Variants in PPARGC1A observed in about 807,000 individuals in gnomAD.
The protein encoded by PPARGC1A is PPARG coactivator 1 alpha, also known as peroxisome proliferator-activated receptor gamma coactivator 1-alpha.
A neutral mutation model predicts 88.7 loss-of-function variants in PPARGC1A; 25 were observed. The ratio of observed to expected loss-of-function variants is 0.28; its 90% CI spans 0.21 to 0.39. The LOEUF is 0.39. Among genes scored for constraint, PPARGC1A ranks in the 10% least tolerant of loss-of-function variants. The probability of loss-of-function intolerance (pLI) is 1.00; values close to 1 mark genes in which losing one functional copy is unlikely to be tolerated. For missense variants in PPARGC1A, 880 were observed against 968.7 expected, an observed-to-expected ratio of 0.91 and a Z score of 1.22; for synonymous variants, 363 against 355.6, an observed-to-expected ratio of 1.02 and a Z score of -0.24.
chr4:24,051,601 G>A, the PPARGC1A span, among the ~76,000 whole-genome samples: 4 of 152,142 alleles, frequency 2.6e-5, no homozygotes, highest in East Asian at 3.8e-4. Context: ...GCTGGGATTC[G>A]CATCCACATT....
the PPARGC1A span, among the ~76,000 whole-genome samples, chr4:24,276,354 T>C: frequency 6.6e-6 from 1 of 152,166 alleles, no homozygotes; most frequent in Non-Finnish European, 1.5e-5. Flanking sequence ...ACCACGCAAA[T>C]GCATGTGTGC....
the PPARGC1A span, among the ~76,000 whole-genome samples, chr4:24,241,519 A>C: frequency 2.6e-5 from 4 of 152,226 alleles, no homozygotes; most frequent in Non-Finnish European, 5.9e-5. Context: ...AAAATGTTTC[A>C]ATCCCTTTGG....
chr4:23,824,601 A>C, intron 5 of PPARGC1A, 93 bp from the exon 6 acceptor site: 1 of 1,116,376 alleles, frequency 9.0e-7, no homozygotes. Flanking sequence ...AAACAACCAG[A>C]AAACTCAAAG....
the PPARGC1A span, among the ~76,000 whole-genome samples, chr4:24,398,791 C>T: frequency 6.6e-6 from 1 of 152,190 alleles, no homozygotes; most frequent in African/African-American, 2.4e-5. Flanking sequence ...CATTTCTCCA[C>T]ATCTTCTAGG....
the PPARGC1A span, among the ~76,000 whole-genome samples, chr4:24,175,538 C>CTTTTTTTTTTTTT: frequency 6.6e-4 from 56 of 84,864 alleles, no homozygotes; most frequent in Middle Eastern, 9.1e-3. Flanking sequence ...CCACACCAAG[C>CTTTTTTTTTTTTT]TTTTTTTTTT....
chr4:24,388,659 G>T, the PPARGC1A span, among the ~76,000 whole-genome samples: 1 of 152,174 alleles, frequency 6.6e-6, no homozygotes, highest in South Asian at 2.1e-4. Context: ...ATGAGTTCAT[G>T]TCCTTTGCAA....
chr4:24,402,423 G>C, the PPARGC1A span, among the ~76,000 whole-genome samples: 166 of 152,320 alleles, frequency 1.1e-3, 4 homozygotes, highest in African/African-American at 3.9e-3. Context: ...CCATTGGCCA[G>C]GTGGTGCTAG....
At chr4:24,211,391 G>A in the PPARGC1A span, among the ~76,000 whole-genome samples, 1 of 152,182 alleles carries the variant, frequency 6.6e-6, no homozygotes, top group African/African-American at 2.4e-5. Context: ...GAAGCTGAAT[G>A]TCACTCCCCT....
chr4:23,921,170 A>T, the PPARGC1A span, among the ~76,000 whole-genome samples: 4 of 152,110 alleles, frequency 2.6e-5, no homozygotes, highest in Non-Finnish European at 4.4e-5. Context: ...AATGGGGCTG[A>T]CTTTGATTCT....
chr4:23,908,706 A>C (rs1720367690), upstream of PPARGC1A, among the ~76,000 whole-genome samples: 3 of 152,194 alleles, frequency 2.0e-5, no homozygotes, highest in Admixed American at 6.5e-5. Context: ...CTACCTTATA[A>C]AGTTGATCCT....
the PPARGC1A span, among the ~76,000 whole-genome samples, chr4:24,001,518 C>G: frequency 1.3e-5 from 2 of 152,116 alleles, no homozygotes; most frequent in Non-Finnish European, 2.9e-5. Context: ...AACAATTTAG[C>G]AACTGACATC....
chr4:23,941,205 C>T, the PPARGC1A span, among the ~76,000 whole-genome samples: 1 of 152,094 alleles, frequency 6.6e-6, no homozygotes, highest in African/African-American at 2.4e-5. Flanking sequence ...GCGTGCAGCA[C>T]AACACCCAAC....
chr4:24,227,325 A>G, the PPARGC1A span, among the ~76,000 whole-genome samples: 2 of 152,102 alleles, frequency 1.3e-5, no homozygotes, highest in Non-Finnish European at 2.9e-5. Context: ...GAGCTCAGGC[A>G]ATTTGCCTGC....
the PPARGC1A span, among the ~76,000 whole-genome samples, chr4:24,073,966 C>T: frequency 1.3e-5 from 2 of 152,104 alleles, no homozygotes; most frequent in East Asian, 3.9e-4. Flanking sequence ...GGTACCACTC[C>T]CAATGCAGGA....
At chr4:24,183,807 G>A in the PPARGC1A span, among the ~76,000 whole-genome samples, 7 of 152,116 alleles carry the variant, frequency 4.6e-5, no homozygotes, top group African/African-American at 7.2e-5. Context: ...CTTTCCTCAC[G>A]GAAATTTTTT....
At chr4:24,463,564 CAT>C in the PPARGC1A span, among the ~76,000 whole-genome samples, 4 of 152,188 alleles carry the variant, frequency 2.6e-5, no homozygotes, top group African/African-American at 9.6e-5. Context: ...TAAAGTGACA[CAT>C]GTGTTGGTAT....
chr4:23,962,043 TA>T, the PPARGC1A span, among the ~76,000 whole-genome samples: 1 of 152,080 alleles, frequency 6.6e-6, no homozygotes, highest in Admixed American at 6.6e-5. Flanking sequence ...CGAAAAGGGT[TA>T]GGGGGAAGAA....
the PPARGC1A span, among the ~76,000 whole-genome samples, chr4:24,168,153 AC>A: frequency 1.3e-5 from 2 of 152,210 alleles, no homozygotes; most frequent in Admixed American, 1.3e-4. Context: ...TTTTATATGC[AC>A]TAAAAAATCA....
chr4:24,269,675 TCA>T, the PPARGC1A span, among the ~76,000 whole-genome samples: 1 of 112,778 alleles, frequency 8.9e-6, no homozygotes, highest in Middle Eastern at 5.3e-3. Flanking sequence ...ATCATCATCA[TCA>T]TCATCACACA....
Sources: allele counts gnomAD v4.1 joint callset (sites outside exome capture counted in the v4.1 genomes callset), GRCh38; gene constraint gnomAD v4.1.1; transcripts MANE v1.5; gene names NCBI Gene and HGNC (gene_info 2026-07-23, HGNC 2026-07-21).